Variants in CTSS observed in about 807,000 individuals in gnomAD.
The protein encoded by CTSS is cathepsin S.
In CTSS, 15 loss-of-function variants were observed where a neutral mutation model predicts 39.9. The ratio of observed to expected loss-of-function variants is 0.38; its 90% CI spans 0.25 to 0.58. CTSS has a LOEUF of 0.58. Among genes scored for constraint, CTSS ranks in the 20% least tolerant of loss-of-function variants. The probability of loss-of-function intolerance (pLI) is 0.70; values close to 1 mark genes in which losing one functional copy is unlikely to be tolerated. For synonymous variants in CTSS, 126 were observed against 138.2 expected, an observed-to-expected ratio of 0.91 and a Z score of 0.62; for missense variants, 250 against 398.2, an observed-to-expected ratio of 0.63 and a Z score of 3.17.
intron 5 of CTSS, 76 bp downstream of exon 5, chr1:150,751,705 G>T: frequency 2.3e-6 from 3 of 1,326,938 alleles, no homozygotes; most frequent in Non-Finnish European, 3.2e-6. Flanking sequence ...AATTGGCATG[G>T]TGGCAAGCCC....
intron 7 of CTSS, among the ~76,000 whole-genome samples, chr1:150,745,495 T>A (rs1360942680): frequency 6.6e-6 from 1 of 151,990 alleles, no homozygotes; most frequent in Admixed American, 6.6e-5. Flanking sequence ...ATCCTGTCTC[T>A]ACAAATAGAA....
In CTSS at chr1:150,732,838, G is replaced by A; in HGVS notation, c.*208C>T. 1 of 364,568 alleles carries A rather than the reference G, an allele frequency of 2.7e-6. No homozygotes were observed. The allele number at this position is 364,568 out of a possible 1,614,324, so 22.6% of individuals were successfully genotyped here. On this transcript the variant is annotated 3_prime_UTR_variant, in exon 8 of 8. Coordinates refer to ENST00000368985, the MANE Select transcript of CTSS (RefSeq NM_004079.5). Reference sequence around the variant, plus strand: ...TAGCCAGGCTGCTCTTTAACTCCTGGCCTCAAGTTGATATGCCTGCCTTGG... The same window carrying A: ...TAGCCAGGCTGCTCTTTAACTCCTGACCTCAAGTTGATATGCCTGCCTTGG...
Position 150,736,401 on chromosome 1 carries a change from T to C in CTSS, c.897-3256A>G, listed in dbSNP as rs1162326575. 4.6e-5 allele frequency among the ~76,000 whole-genome samples: 7 copies of C among 152,216 alleles called. No individual in the cohort carries two copies. The South Asian group carries it at 1.4e-3, about 32-fold the overall frequency. On this transcript the variant is annotated intron_variant, in intron 7 of 7. Transcript: ENST00000368985. Reference sequence around the variant, plus strand: ...TTATTCCAAAGCCCACTCTAACTTTTATCTATGCCTATCCCTACAGTTATC... The same window carrying C: ...TTATTCCAAAGCCCACTCTAACTTTCATCTATGCCTATCCCTACAGTTATC...
chr1:150,762,855 A>G (rs1489953042), intron 2 of CTSS, among the ~76,000 whole-genome samples: 1 of 152,210 alleles, frequency 6.6e-6, no homozygotes, highest in Non-Finnish European at 1.5e-5. Context: ...TTGGGAAAAC[A>G]GTATGGAGGT....
intron 4 of CTSS, among the ~76,000 whole-genome samples, chr1:150,752,816 G>A (rs1653033657): frequency 6.6e-6 from 1 of 152,094 alleles, no homozygotes; most frequent in Non-Finnish European, 1.5e-5. Flanking sequence ...AAATATGTAG[G>A]TGGAAAAGAA....
chr1:150,739,482 G>A (rs958960830), intron 7 of CTSS, among the ~76,000 whole-genome samples: 2 of 151,866 alleles, frequency 1.3e-5, no homozygotes, highest in South Asian at 2.1e-4. Context: ...AAGCTCAGGC[G>A]GGTAGATGAC....
At chr1:150,735,826 G>A (rs1263042756) in intron 7 of CTSS, among the ~76,000 whole-genome samples, 1 of 148,458 alleles carries the variant, frequency 6.7e-6, no homozygotes, top group Non-Finnish European at 1.5e-5. Flanking sequence ...GCACAATCTC[G>A]GCTCACTGCA....
At chr1:150,758,133 T>C (rs587694223) in intron 2 of CTSS, among the ~76,000 whole-genome samples, 153 bp from the exon 3 acceptor site, 1 of 151,988 alleles carries the variant, frequency 6.6e-6, no homozygotes, top group South Asian at 2.1e-4. Context: ...TACTTCAACC[T>C]CCGATTCTCA....
intron 7 of CTSS, among the ~76,000 whole-genome samples, chr1:150,747,395 T>C (rs1652912803): frequency 6.6e-6 from 1 of 152,118 alleles, no homozygotes; most frequent in Admixed American, 6.5e-5. Context: ...ATATAAAGGT[T>C]ATAGCTAGAG....
rs113650982 is a variant in CTSS at position 150,743,192 on chromosome 1, G to T, written c.896+4585C>A. 8.0e-3 allele frequency among the ~76,000 whole-genome samples: 1,216 copies of T among 152,180 alleles called. 9 individuals carry two copies. Among genetic ancestry groups the T allele is most frequent in the Non-Finnish European group, 0.011 (732 of 67,998 alleles). ...GAGGCTAAAGTTGATGTAGCAAAAT[G>T]AATCAAGATAGTGAGAAATGTGCCA... is the stretch of plus-strand genomic sequence containing the variant. On this transcript the variant is annotated intron_variant, in intron 7 of 7. Coordinates refer to ENST00000368985, the MANE Select transcript of CTSS (RefSeq NM_004079.5).
chr1:150,749,012 T>C (rs905334383), intron 6 of CTSS, among the ~76,000 whole-genome samples: 9 of 152,220 alleles, frequency 5.9e-5, no homozygotes, highest in Non-Finnish European at 1.2e-4. Context: ...AAATGTTGTG[T>C]GTGTTCTGAC....
At chr1:150,741,391 T>C (rs1652753563) in intron 7 of CTSS, among the ~76,000 whole-genome samples, 1 of 152,238 alleles carries the variant, frequency 6.6e-6, no homozygotes, top group Admixed American at 6.5e-5. Context: ...TTAATAATAG[T>C]CTGAATAAAT....
chr1:150,763,287 G>A (rs759601946), intron 2 of CTSS, among the ~76,000 whole-genome samples: 1 of 152,076 alleles, frequency 6.6e-6, no homozygotes, highest in South Asian at 2.1e-4. Flanking sequence ...GAGGCTGGGC[G>A]GAGGGTAGAC....
intron 2 of CTSS, 45 bp downstream of exon 2, chr1:150,764,593 A>C: frequency 6.2e-7 from 1 of 1,611,096 alleles, no homozygotes; most frequent in African/African-American, 1.3e-5. Context: ...GGTAGAAAAC[A>C]GTACTCCTTT....
In CTSS at chr1:150,757,854, C is replaced by T. The variant is rs749050092; in HGVS notation, c.249+4G>A. ...GAAAGTGGGATTTCTTGTAATGTAC[C>T]TACCATGTCTCCCAGGTGGTTCATG... On this transcript the variant is annotated splice_donor_region_variant and intron_variant, in intron 3 of 7. Transcript: ENST00000368985. 6.2e-7 allele frequency: 1 copy of T among 1,612,406 alleles called. No homozygotes were observed. The highest frequency in any genetic ancestry group is 1.1e-5 in the South Asian group (1 of 90,984).
chr1:150,757,813 A>G, intron 3 of CTSS, 45 bp downstream of exon 3: 1 of 1,590,176 alleles, frequency 6.3e-7, no homozygotes, highest in Non-Finnish European at 8.6e-7. Flanking sequence ...AAAGGAAATG[A>G]TATTTACCCA....
intron 3 of CTSS, 99 bp downstream of exon 3, chr1:150,757,759 C>T: frequency 7.8e-7 from 1 of 1,280,756 alleles, no homozygotes; most frequent in Non-Finnish European, 1.1e-6. Context: ...CTATACATTC[C>T]TTTGTTATTG....
At chr1:150,746,377 T>G (rs1652895347) in intron 7 of CTSS, among the ~76,000 whole-genome samples, 1 of 152,196 alleles carries the variant, frequency 6.6e-6, no homozygotes, top group Non-Finnish European at 1.5e-5. Flanking sequence ...CTTTTGTTTA[T>G]GAGTGATATA....
At position 150,740,888 on chromosome 1, in the gene CTSS, A is replaced by G. The variant is rs1053379009; in HGVS notation, c.896+6889T>C. 2.0e-5 allele frequency among the ~76,000 whole-genome samples: 3 copies of G among 147,382 alleles called. No homozygotes were observed. The East Asian group carries it at 6.1e-4, about 30-fold the overall frequency. On this transcript the variant is annotated intron_variant, in intron 7 of 7. Transcript: ENST00000368985. ...TTTTGTATAGAGATGGGGTCTCACT[A>G]TGTTCCCCATGCTGGTCTTGAACCC...
Sources: allele counts gnomAD v4.1 joint callset (sites outside exome capture counted in the v4.1 genomes callset), GRCh38; gene constraint gnomAD v4.1.1; transcripts MANE v1.5; gene names NCBI Gene and HGNC (gene_info 2026-07-23, HGNC 2026-07-21).